FHIT: variants seen among roughly 807,000 people sequenced by gnomAD.
The protein encoded by FHIT is bis(5'-adenosyl)-triphosphatase.
A neutral mutation model predicts 17.9 loss-of-function variants in FHIT; 19 were observed. That is an observed-to-expected ratio of 1.06 (90% CI 0.74 to 1.56). The LOEUF is 1.56. Among genes scored for constraint, FHIT ranks in the 40% most tolerant of loss-of-function variants. The pLI is 0.00. For synonymous variants in FHIT, 81 were observed against 69.7 expected (o/e 1.16, Z -0.81); for missense variants, 248 against 189.2 (o/e 1.31, Z -1.82).
At chr3:60,765,955 C>T (rs1480690359) in intron 4 of FHIT, among the ~76,000 whole-genome samples, 1 of 152,148 alleles carries the variant, frequency 6.6e-6, no homozygotes, top group African/African-American at 2.4e-5. Flanking sequence ...AACTCAGGAA[C>T]TTGCAACAGT....
chr3:60,850,339 CTCTCTCTCTCTCTCTCTCTCT>C (rs1703106731), intron 3 of FHIT, among the ~76,000 whole-genome samples: 2 of 97,544 alleles, frequency 2.1e-5, no homozygotes, highest in African/African-American at 7.5e-5. Flanking sequence ...CTCTCTCTCT[CTCTCTCTCTCTCTCTCTCTCT>C]CTCTCTCATG....
At chr3:61,169,653 G>C (rs969101292) in intron 2 of FHIT, among the ~76,000 whole-genome samples, 1 of 152,068 alleles carries the variant, frequency 6.6e-6, no homozygotes, top group Admixed American at 6.6e-5. Flanking sequence ...CCCTTTTATT[G>C]CTTTTAAAAT....
chr3:59,752,404 GA>G, intron 8 of FHIT, 83 bp from the exon 9 acceptor site: 1 of 1,059,626 alleles, frequency 9.4e-7, no homozygotes. Context: ...GGGGGAGACT[GA>G]ACAAAATTTG....
intron 5 of FHIT, among the ~76,000 whole-genome samples, chr3:60,143,323 T>C (rs1010691307): frequency 2.0e-5 from 3 of 152,194 alleles, no homozygotes; most frequent in African/African-American, 7.2e-5. Flanking sequence ...CCTTAGGCCC[T>C]GATATATGGG....
chr3:60,515,646 A>G (rs2035125772), intron 5 of FHIT, among the ~76,000 whole-genome samples: 1 of 152,124 alleles, frequency 6.6e-6, no homozygotes, highest in Non-Finnish European at 1.5e-5. Flanking sequence ...CAAAAATCAC[A>G]TTAGACTCTT....
intron 7 of FHIT, among the ~76,000 whole-genome samples, chr3:59,993,456 G>A (rs1307946292): frequency 3.9e-5 from 6 of 151,954 alleles, no homozygotes; most frequent in Non-Finnish European, 8.8e-5. Flanking sequence ...TCATTTAAGA[G>A]AGGTGTTCAT....
At chr3:60,131,940 C>G (rs1264110818) in intron 5 of FHIT, among the ~76,000 whole-genome samples, 1 of 152,178 alleles carries the variant, frequency 6.6e-6, no homozygotes, top group Non-Finnish European at 1.5e-5. Context: ...GGCCCACTCT[C>G]AAGCTCTCCA....
intron 2 of FHIT, among the ~76,000 whole-genome samples, chr3:61,136,919 A>G (rs1161466507): frequency 6.6e-6 from 1 of 152,262 alleles, no homozygotes; most frequent in Non-Finnish European, 1.5e-5. Flanking sequence ...GGTGTGTTTG[A>G]GGACAACTAG....
intron 2 of FHIT, among the ~76,000 whole-genome samples, chr3:61,106,334 C>G (rs919485055): frequency 5.3e-5 from 8 of 152,118 alleles, no homozygotes; most frequent in Non-Finnish European, 1.0e-4. Context: ...GATCTATTCT[C>G]TTAGCAATTT....
At chr3:60,556,842 C>A (rs1048398350) in intron 4 of FHIT, among the ~76,000 whole-genome samples, 2 of 152,208 alleles carry the variant, frequency 1.3e-5, no homozygotes, top group Non-Finnish European at 2.9e-5. Context: ...TGAACACTGT[C>A]TAGGAAATAC....
At chr3:61,010,805 G>C (rs1372775764) in intron 3 of FHIT, among the ~76,000 whole-genome samples, 1 of 152,184 alleles carries the variant, frequency 6.6e-6, no homozygotes, top group East Asian at 1.9e-4. Context: ...CATTGTAGCA[G>C]AATTGTGGAA....
chr3:60,929,862 C>T (rs1435284900), intron 3 of FHIT, among the ~76,000 whole-genome samples: 12 of 152,184 alleles, frequency 7.9e-5, no homozygotes, highest in Admixed American at 3.3e-4. Flanking sequence ...GAAAAAACTA[C>T]CTTAAAGTTC....
intron 7 of FHIT, among the ~76,000 whole-genome samples, chr3:59,956,071 T>C (rs911737633): frequency 6.6e-6 from 1 of 152,218 alleles, no homozygotes; most frequent in South Asian, 2.1e-4. Flanking sequence ...TCTTCTTCTA[T>C]CATTTGGCTG....
chr3:61,048,787 A>T (rs1414073054), intron 2 of FHIT, among the ~76,000 whole-genome samples: 1 of 152,174 alleles, frequency 6.6e-6, no homozygotes, highest in East Asian at 1.9e-4. Flanking sequence ...ATGGAATACT[A>T]TGCAGCCATA....
At chr3:60,590,300 CAA>C (rs1188084160) in intron 4 of FHIT, among the ~76,000 whole-genome samples, 2 of 152,006 alleles carry the variant, frequency 1.3e-5, no homozygotes, top group Non-Finnish European at 2.9e-5. Context: ...TTCATGGATT[CAA>C]AAGTTAATCA....
chr3:60,565,916 C>G (rs557673914), intron 4 of FHIT, among the ~76,000 whole-genome samples: 20 of 152,278 alleles, frequency 1.3e-4, no homozygotes, highest in African/African-American at 4.6e-4. Context: ...AAATTTCCCT[C>G]TACACACTGC....
intron 5 of FHIT, among the ~76,000 whole-genome samples, chr3:60,350,480 C>T (rs1049778872): frequency 3.3e-5 from 5 of 152,064 alleles, no homozygotes; most frequent in Admixed American, 1.3e-4. Flanking sequence ...TTGTACGTAA[C>T]GTCACAATTT....
At chr3:59,834,205 C>T (rs984830106) in intron 8 of FHIT, among the ~76,000 whole-genome samples, 1 of 152,136 alleles carries the variant, frequency 6.6e-6, no homozygotes, top group African/African-American at 2.4e-5. Context: ...TGTTCATTTA[C>T]TTTAGGTGAT....
intron 8 of FHIT, among the ~76,000 whole-genome samples, chr3:59,825,185 T>C (rs1700932463): frequency 6.6e-6 from 1 of 152,246 alleles, no homozygotes; most frequent in South Asian, 2.1e-4. Flanking sequence ...TAGTGCATAA[T>C]GCTGCTGTCT....
Sources: allele counts gnomAD v4.1 joint callset (sites outside exome capture counted in the v4.1 genomes callset), GRCh38; gene constraint gnomAD v4.1.1; transcripts MANE v1.5; gene names NCBI Gene and HGNC (gene_info 2026-07-23, HGNC 2026-07-21).